The following GOLGA3 variants were observed in gnomAD, a reference collection of about 807,000 sequenced individuals.
The protein encoded by GOLGA3 is golgin A3.
In GOLGA3, 75 loss-of-function variants were observed where a neutral mutation model predicts 169.4. The observed-to-expected ratio is 0.44, with a 90% CI of 0.37 to 0.54. The LOEUF (loss-of-function observed/expected upper bound fraction) is 0.54. Ranked by LOEUF, GOLGA3 falls within the 20% of genes least tolerant of loss-of-function variation. The pLI, the probability that GOLGA3 is intolerant of heterozygous loss-of-function variation, is 0.00. For synonymous variants in GOLGA3, 824 were observed against 822.4 expected, an observed-to-expected ratio of 1.00 and a Z score of -0.03; for missense variants, 1,899 against 1,930.0, an observed-to-expected ratio of 0.98 and a Z score of 0.30.
At chr12:132,822,490 C>G (rs1212139019) in intron 1 of GOLGA3, among the ~76,000 whole-genome samples, 179 bp from the exon 2 acceptor site, 1 of 152,208 alleles carries the variant, frequency 6.6e-6, no homozygotes, top group Non-Finnish European at 1.5e-5. Context: ...AGATGCTGAC[C>G]CAGCCACACT....
At chr12:132,794,027 C>G (rs1049920306) in intron 11 of GOLGA3, among the ~76,000 whole-genome samples, 2 of 152,188 alleles carry the variant, frequency 1.3e-5, no homozygotes, top group Non-Finnish European at 2.9e-5. Flanking sequence ...CAGGAGCCCC[C>G]CTGCGAAGGA....
At chr12:132,788,956 G>GGCCCCGCCCCAGACACAT in intron 13 of GOLGA3, 71 bp downstream of exon 13, 8 of 493,264 alleles carry the variant, frequency 1.6e-5, no homozygotes, top group Non-Finnish European at 2.4e-5. Flanking sequence ...CCCAGACACA[G>GGCCCCGCCCCAGACACAT]GCCCCACCCT....
intron 15 of GOLGA3, among the ~76,000 whole-genome samples, chr12:132,784,687 C>T (rs529033228): frequency 2.0e-5 from 3 of 151,984 alleles, no homozygotes; most frequent in East Asian, 3.9e-4. Context: ...ACACACACCA[C>T]GTGCACATGT....
rs775053268 is a variant in GOLGA3, at chr12:132,774,159, G to T, written c.4305C>A (p.Leu1435=). The change falls in exon 23 of 24, where the codon CTC becomes CTA. Residue 1435 remains leucine, a splice_region_variant and synonymous_variant. Transcript: ENST00000450791. The part of the protein sequence containing the change: ...LKNLNSCLQQ[L]KQEMDSLQRQ... ...TGCAGCACGGAATACGGTCGTACTT[G>T]AGCTGCTGGAGGCAGCTGTTCAGGT... 3 of 1,592,546 alleles carry T rather than the reference G, an allele frequency of 1.9e-6. No homozygotes were observed. In the Admixed American group the frequency reaches 5.3e-5, roughly 28 times the overall value.
intron 4 of GOLGA3, among the ~76,000 whole-genome samples, chr12:132,809,970 C>T (rs1045263448): frequency 2.6e-5 from 4 of 152,044 alleles, no homozygotes; most frequent in Non-Finnish European, 5.9e-5. Flanking sequence ...CAAGGCCGGG[C>T]GTGGTGGTTC....
At chr12:132,809,691 A>T (rs576850007) in intron 4 of GOLGA3, among the ~76,000 whole-genome samples, 1 of 152,198 alleles carries the variant, frequency 6.6e-6, no homozygotes, top group Non-Finnish European at 1.5e-5. Context: ...TTCCTAGGCT[A>T]TGATTATAGA....
chr12:132,813,598 C>T (rs759889229), intron 3 of GOLGA3, among the ~76,000 whole-genome samples, 179 bp from the exon 4 acceptor site: 40 of 152,136 alleles, frequency 2.6e-4, no homozygotes, highest in Admixed American at 1.4e-3. Context: ...GCCCCGGACA[C>T]GGACCACAGG....
chr12:132,807,043 C>G (rs1386781903), intron 6 of GOLGA3, 134 bp downstream of exon 6: 6 of 582,304 alleles, frequency 1.0e-5, no homozygotes. Context: ...CGTAAAGATG[C>G]AGAACCCTCG....
intron 15 of GOLGA3, among the ~76,000 whole-genome samples, chr12:132,784,728 TCA>T (rs1480871820): frequency 1.3e-5 from 2 of 149,656 alleles, no homozygotes. Flanking sequence ...ACACACGTGC[TCA>T]CACCCCACAC....
chr12:132,785,492 T>C (rs973049502), intron 15 of GOLGA3, among the ~76,000 whole-genome samples: 2 of 152,160 alleles, frequency 1.3e-5, no homozygotes, highest in Non-Finnish European at 2.9e-5. Context: ...TTTGTATTAT[T>C]TGTAAATACA....
intron 11 of GOLGA3, among the ~76,000 whole-genome samples, 187 bp from the exon 12 acceptor site, chr12:132,791,480 T>C (rs544689306): frequency 1.3e-5 from 2 of 151,852 alleles, no homozygotes; most frequent in South Asian, 2.1e-4. Flanking sequence ...TCTGCAGAGA[T>C]GTTTCACTGA....
chr12:132,798,327 G>A lies in GOLGA3; in HGVS notation c.1938+13C>T, dbSNP rs745939201. 1.9e-5 allele frequency: 30 copies of A among 1,596,784 alleles called. No homozygotes were observed. Among genetic ancestry groups the A allele is most frequent in the Non-Finnish European group, 2.6e-5 (30 of 1,175,056 alleles). On this transcript the variant is annotated intron_variant, in intron 9 of 23. Coordinates refer to ENST00000450791, the MANE Select transcript of GOLGA3 (RefSeq NM_001389683.1). ...GTTCTCCTAAGCTTCCACGGCCCCGGCCGCAGCCTCACCTCAATGCCCTGC... is the reference window on the plus strand; with the variant it reads ...GTTCTCCTAAGCTTCCACGGCCCCGACCGCAGCCTCACCTCAATGCCCTGC...
rs1328223207 is a variant in GOLGA3 at position 132,805,030 on chromosome 12, G to A, written c.1291-8C>T. The A allele has an allele frequency of 6.2e-7, 1 of 1,602,204 alleles. No individual in the cohort carries two copies. Among genetic ancestry groups the A allele is most frequent in the Non-Finnish European group, 8.5e-7 (1 of 1,177,196 alleles). On this transcript the variant is annotated splice_polypyrimidine_tract_variant and splice_region_variant and intron_variant, in intron 6 of 23. Transcript: ENST00000450791. ...AGCCTTCTCTTTAAGTGCCTGAAAA[G>A]ATCCCAACAACCACAATGATTTTAA...
chr12:132,791,559 C>A (rs552124186), intron 11 of GOLGA3, among the ~76,000 whole-genome samples: 3 of 136,842 alleles, frequency 2.2e-5, no homozygotes, highest in Non-Finnish European at 3.1e-5. Flanking sequence ...ACATCTGCAG[C>A]GATGTTACAC....
At chr12:132,797,666 CG>C (rs1464348070) in intron 9 of GOLGA3, among the ~76,000 whole-genome samples, 13 of 151,980 alleles carry the variant, frequency 8.6e-5, no homozygotes, top group African/African-American at 3.1e-4. Flanking sequence ...GAGCCAAGAT[CG>C]CACCACTGCA....
intron 4 of GOLGA3, among the ~76,000 whole-genome samples, chr12:132,810,498 A>G (rs1442212457): frequency 6.6e-6 from 1 of 152,186 alleles, no homozygotes; most frequent in East Asian, 1.9e-4. Context: ...AGTTTGCAGC[A>G]ATTACTTTTT....
Position 132,821,979 on chromosome 12 carries a change from G to A in GOLGA3, c.133+17C>T. On this transcript the variant is annotated intron_variant, in intron 2 of 23. Coordinates refer to ENST00000450791, the MANE Select transcript of GOLGA3 (RefSeq NM_001389683.1). ...GGTCCTCCTGTGACCAGCACACAGA[G>A]GAACCTCACGACTTACACTGGACTT... The A allele has an allele frequency of 1.3e-6, 2 of 1,578,400 alleles. No homozygotes were observed. The highest frequency in any genetic ancestry group is 1.8e-5 in the Admixed American group (1 of 54,902).
intron 1 of GOLGA3, among the ~76,000 whole-genome samples, chr12:132,823,780 C>T (rs532543608): frequency 7.0e-5 from 10 of 142,158 alleles, no homozygotes; most frequent in Non-Finnish European, 1.4e-4. Flanking sequence ...AGAGTGGAAA[C>T]TCCGTCTAAA....
At chr12:132,798,550 A>C (rs1242650920) in intron 8 of GOLGA3, 73 bp from the exon 9 acceptor site, 1 of 1,429,634 alleles carries the variant, frequency 7.0e-7, no homozygotes, top group Non-Finnish European at 9.5e-7. Flanking sequence ...CTGTCCCTGG[A>C]GGCCCCAGGG....
Sources: allele counts gnomAD v4.1 joint callset (sites outside exome capture counted in the v4.1 genomes callset), GRCh38; gene constraint gnomAD v4.1.1; transcripts MANE v1.5; gene names NCBI Gene and HGNC (gene_info 2026-07-23, HGNC 2026-07-21).